BICDL1: variants seen among roughly 807,000 people sequenced by gnomAD.
The protein encoded by BICDL1 is BICD family like cargo adaptor 1.
BICDL1 carries 20 observed loss-of-function variants against 76.8 expected under a neutral mutation model. That is an observed-to-expected ratio of 0.26 (90% CI 0.18 to 0.38). The LOEUF (loss-of-function observed/expected upper bound fraction) is 0.38, where lower values mean the gene tolerates loss of function less well. Ranked by LOEUF, BICDL1 falls within the 10% of genes least tolerant of loss-of-function variation. BICDL1 has a pLI of 1.00. For synonymous variants in BICDL1, 383 were observed against 337.1 expected, an observed-to-expected ratio of 1.14 and a Z score of -1.49; for missense variants, 700 against 798.6, an observed-to-expected ratio of 0.88 and a Z score of 1.49.
intron 2 of BICDL1, among the ~76,000 whole-genome samples, chr12:120,017,156 A>G (rs1490834697): frequency 6.6e-6 from 1 of 152,236 alleles, no homozygotes; most frequent in Non-Finnish European, 1.5e-5. Context: ...CTGGCCTCCC[A>G]AAGTGCTGGA....
At chr12:120,073,351 A>G (rs1178253531) in intron 6 of BICDL1, among the ~76,000 whole-genome samples, 3 of 152,226 alleles carry the variant, frequency 2.0e-5, no homozygotes, top group African/African-American at 4.8e-5. Context: ...AACTTTGCAT[A>G]TAGAAGTTTG....
chr12:120,088,888 T>A (rs141875562), intron 8 of BICDL1, among the ~76,000 whole-genome samples: 4,272 of 150,802 alleles, frequency 0.028, 79 homozygotes, highest in Non-Finnish European at 0.044. Flanking sequence ...ATGGTCTCAA[T>A]CTCCTGACCT....
intron 2 of BICDL1, among the ~76,000 whole-genome samples, chr12:120,028,028 C>T (rs1264614688): frequency 6.6e-6 from 1 of 152,144 alleles, no homozygotes; most frequent in Non-Finnish European, 1.5e-5. Flanking sequence ...TCTGCATTAC[C>T]ATACTGTTAT....
chr12:119,999,251 A>G (rs1951713765), intron 2 of BICDL1, among the ~76,000 whole-genome samples: 1 of 152,166 alleles, frequency 6.6e-6, no homozygotes, highest in Non-Finnish European at 1.5e-5. Context: ...AACAAGCCAC[A>G]GACTTTGACA....
At chr12:120,057,235 G>C (rs1219478267) in intron 2 of BICDL1, 4 of 417,978 alleles carry the variant, frequency 9.6e-6, no homozygotes, top group South Asian at 5.4e-5. Flanking sequence ...GGCTGGTCTC[G>C]AACTCCTGAG....
intron 2 of BICDL1, among the ~76,000 whole-genome samples, chr12:120,004,091 T>C (rs935042204): frequency 6.6e-6 from 1 of 152,230 alleles, no homozygotes; most frequent in Non-Finnish European, 1.5e-5. Context: ...TCACGTAGGA[T>C]ATATAATTGC....
At position 120,045,160 on chromosome 12, in the gene BICDL1, A is replaced by G. The variant is rs539980583; in HGVS notation, c.646-16550A>G. On this transcript the variant is annotated intron_variant, in intron 2 of 9. Transcript: ENST00000548673. ...AGACATTTATGCAGCCAAAAAACAC[A>G]TGAAAAAATGCTCACCATCACTGGC... Among the ~76,000 whole-genome samples the G allele has an allele frequency of 4.9e-3, 753 of 152,354 alleles. 7 individuals are homozygous for G. Among genetic ancestry groups the G allele is most frequent in the African/African-American group, 0.017 (716 of 41,572 alleles).
At chr12:120,048,736 A>G (rs893722942) in intron 2 of BICDL1, among the ~76,000 whole-genome samples, 3 of 152,170 alleles carry the variant, frequency 2.0e-5, no homozygotes, top group Admixed American at 6.5e-5. Flanking sequence ...GAAATCTAAG[A>G]TGGTACCAGA....
intron 2 of BICDL1, among the ~76,000 whole-genome samples, chr12:120,052,091 C>T (rs1249320675): frequency 6.6e-6 from 1 of 152,122 alleles, no homozygotes; most frequent in Non-Finnish European, 1.5e-5. Flanking sequence ...CAGTTGCCCG[C>T]CACCACACCC....
At chr12:120,047,729 T>C (rs1952776095) in intron 2 of BICDL1, among the ~76,000 whole-genome samples, 1 of 152,146 alleles carries the variant, frequency 6.6e-6, no homozygotes, top group Admixed American at 6.6e-5. Flanking sequence ...AGTGGTTAGA[T>C]AATTTTTGAA....
chr12:120,026,894 C>T (rs1038538089), intron 2 of BICDL1, among the ~76,000 whole-genome samples: 4 of 152,132 alleles, frequency 2.6e-5, no homozygotes, highest in East Asian at 1.9e-4. Flanking sequence ...TCACCCTACC[C>T]GCACATCCAA....
chr12:120,005,596 C>T (rs972690600), intron 2 of BICDL1, among the ~76,000 whole-genome samples: 2 of 152,196 alleles, frequency 1.3e-5, no homozygotes. Flanking sequence ...TGGTCTCAAA[C>T]TCCTGGCTTC....
rs1875128397 is a variant in BICDL1, at chr12:120,093,103, G to A, written c.1808G>A (p.Gly603Glu). ...ALCRGHSAGR[G>E]DEPSIAEGKR... The stretch of plus-strand genomic sequence containing the variant: ...TGCAGGGGCCACAGCGCTGGGCGGG[G>A]GGATGAGCCCAGCATCGCTGAAGGC... Residue 603 changes from glycine (G) to glutamate (E), a missense_variant, in exon 10 of 10, where the codon GGG becomes GAG. Transcript: ENST00000548673. 1.9e-6 allele frequency: 3 copies of A among 1,613,446 alleles called. No homozygotes were observed. The highest frequency in any genetic ancestry group is 1.7e-6 in the Non-Finnish European group (2 of 1,179,696).
At chr12:119,993,914 C>T (rs1951581203) in intron 1 of BICDL1, among the ~76,000 whole-genome samples, 1 of 152,234 alleles carries the variant, frequency 6.6e-6, no homozygotes, top group Admixed American at 6.5e-5. Flanking sequence ...CTGCACCCAG[C>T]CCAGATGCTT....
rs78182357 is a variant in BICDL1 at position 120,032,537 on chromosome 12, A to G, written c.646-29173A>G. 8.5e-3 allele frequency among the ~76,000 whole-genome samples: 1,293 copies of G among 152,304 alleles called. 18 individuals carry two copies. The highest frequency in any genetic ancestry group is 0.029 in the African/African-American group (1,209 of 41,550). On this transcript the variant is annotated intron_variant, in intron 2 of 9. Coordinates refer to ENST00000548673, the MANE Select transcript of BICDL1 (RefSeq NM_001367886.1). The stretch of plus-strand genomic sequence containing the variant: ...TCACTTTCTGAAGTCACTATCATTT[A>G]TATGGCACTGCCTTGGGAAATTTTA...
intron 2 of BICDL1, among the ~76,000 whole-genome samples, chr12:120,060,427 C>T (rs567549850): frequency 2.0e-5 from 3 of 152,256 alleles, no homozygotes; most frequent in African/African-American, 7.2e-5. Context: ...TTGTTCATTT[C>T]CAATAAGTTA....
intron 2 of BICDL1, among the ~76,000 whole-genome samples, chr12:120,033,436 G>A (rs963482936): frequency 7.1e-6 from 1 of 141,650 alleles, no homozygotes; most frequent in Admixed American, 7.1e-5. Context: ...GAGTGCACTG[G>A]CATGATCTCG....
At chr12:120,072,362 T>C (rs1273443091) in intron 5 of BICDL1, 149 bp from the exon 6 acceptor site, 2 of 669,282 alleles carry the variant, frequency 3.0e-6, no homozygotes, top group East Asian at 5.4e-5. Context: ...TTGGGACAAA[T>C]GAGTTAAAAA....
Position 120,094,318 on chromosome 12 carries a change from C to G in BICDL1, c.*1157C>G, listed in dbSNP as rs1875238443. 5 of 456,644 alleles carry G rather than the reference C, an allele frequency of 1.1e-5. No homozygotes were observed. The highest frequency in any genetic ancestry group is 1.0e-4 in the African/African-American group (5 of 50,086). 28.3% of individuals were successfully genotyped at this position (456,644 alleles called of 1,614,324 possible). On this transcript the variant is annotated 3_prime_UTR_variant, in exon 10 of 10. Coordinates refer to ENST00000548673, the MANE Select transcript of BICDL1 (RefSeq NM_001367886.1). ...GCAGGGATGCGCGGCAAGAATGTAC[C>G]TGTAGATGTGTACATACCACAGTGC...
Sources: gnomAD v4.1 joint callset for allele counts (sites outside exome capture counted in the v4.1 genomes callset) on GRCh38, gnomAD v4.1.1 for gene constraint, MANE v1.5 for transcripts, NCBI Gene and HGNC (gene_info 2026-07-23, HGNC 2026-07-21) for gene names.